KIF3C: variants seen among roughly 807,000 people sequenced by gnomAD.
KIF3C encodes kinesin family member 3C.
KIF3C carries 12 observed loss-of-function variants against 67.7 expected under a neutral mutation model. The observed-to-expected ratio is 0.18, with a 90% CI of 0.11 to 0.29. KIF3C has a LOEUF of 0.29. Among genes scored for constraint, KIF3C ranks in the 10% least tolerant of loss-of-function variants. The pLI, the probability that KIF3C is intolerant of heterozygous loss-of-function variation, is 1.00. For missense variants in KIF3C, 789 were observed against 1,059.6 expected, an observed-to-expected ratio of 0.74 and a Z score of 3.55; for synonymous variants, 393 against 426.2, an observed-to-expected ratio of 0.92 and a Z score of 0.96.
chr2:25,977,827 C>A (rs532163304), intron 1 of KIF3C, among the ~76,000 whole-genome samples: 117 of 152,278 alleles, frequency 7.7e-4, no homozygotes, highest in Non-Finnish European at 1.4e-3. Flanking sequence ...CGACACTGAA[C>A]CAGGCGGTGC....
intron 1 of KIF3C, among the ~76,000 whole-genome samples, chr2:25,961,731 T>C (rs1052624752): frequency 6.6e-6 from 1 of 152,156 alleles, no homozygotes; most frequent in Non-Finnish European, 1.5e-5. Flanking sequence ...GAATTGGGAG[T>C]ACTGTGTGTA....
In KIF3C at chr2:25,926,925, G is replaced by A. The variant is rs1259871058; in HGVS notation, c.*2053C>T. 2 of 152,154 alleles carry A rather than the reference G, an allele frequency of 1.3e-5. No homozygotes were observed. Among genetic ancestry groups the A allele is most frequent in the Non-Finnish European group, 1.5e-5 (1 of 68,016 alleles). The allele number at this position is 152,154 out of a possible 1,614,324, so 9.4% of individuals were successfully genotyped here. A position where few individuals can be genotyped will look rare whatever the true frequency, so the allele number is the denominator to read the frequency against. On this transcript the variant is annotated 3_prime_UTR_variant, in exon 8 of 8. Coordinates refer to ENST00000264712, the MANE Select transcript of KIF3C (RefSeq NM_002254.8). Reference sequence around the variant, plus strand: ...ATATTTGATACACCAAAAGGAAAAGGAGAGAAAGAGAGACAGAGAGACTGA... The same window carrying A: ...ATATTTGATACACCAAAAGGAAAAGAAGAGAAAGAGAGACAGAGAGACTGA...
chr2:25,975,469 C>T (rs1298255881), intron 1 of KIF3C, among the ~76,000 whole-genome samples: 2 of 152,092 alleles, frequency 1.3e-5, no homozygotes, highest in Non-Finnish European at 2.9e-5. Flanking sequence ...CTATAATTTG[C>T]CCAGCCTACT....
chr2:25,969,044 G>A (rs543638888), intron 1 of KIF3C, among the ~76,000 whole-genome samples: 6 of 152,046 alleles, frequency 3.9e-5, no homozygotes, highest in Non-Finnish European at 5.9e-5. Flanking sequence ...GGCTGGTCTC[G>A]AACTCCTGAC....
At chr2:25,936,586 G>A (rs190422921) in intron 5 of KIF3C, among the ~76,000 whole-genome samples, 83 of 152,236 alleles carry the variant, frequency 5.5e-4, no homozygotes, top group Non-Finnish European at 1.1e-3. Context: ...AAAGAATGCT[G>A]CTGTGAACAT....
chr2:25,948,798 C>A (rs933268901), intron 5 of KIF3C, among the ~76,000 whole-genome samples: 2 of 151,426 alleles, frequency 1.3e-5, no homozygotes, highest in Non-Finnish European at 2.9e-5. Flanking sequence ...AAAGCTCATT[C>A]GAACTTCAGG....
rs148571793 is a variant in KIF3C, at chr2:25,981,493, C to T, written c.425G>A (p.Arg142Gln). ...SRSQNQQYLV[R>Q]ASYLEIYQEE... ...CTGGTAGATCTCCAAATAGGAGGCC[C>T]GGACCAGGTACTGTTGGTTCTGGGA... The change falls in exon 1 of 8, where the codon CGG becomes CAG. Residue 142 changes from arginine (R) to glutamine (Q), a missense_variant. This residue lies in a region of KIF3C where 141 missense variants were observed against 251.8 expected (regional missense o/e 0.56). Coordinates refer to ENST00000264712, the MANE Select transcript of KIF3C (RefSeq NM_002254.8). The surrounding 1 kb of genome is among the most constrained non-coding windows in gnomAD (Gnocchi z 8.2). The T allele has an allele frequency of 3.9e-5, 63 of 1,613,560 alleles. No individual in the cohort carries two copies. The highest frequency in any genetic ancestry group is 3.6e-4 in the African/African-American group (27 of 74,718).
In KIF3C at chr2:25,981,701, G is replaced by T. The variant is rs200780139; in HGVS notation, c.217C>A (p.Leu73Met). The change falls in exon 1 of 8, where the codon CTG becomes ATG. Residue 73 changes from leucine (L) to methionine (M), a missense_variant. By Grantham distance (15) the Leu-to-Met change is conservative (BLOSUM62 2). Transcript: ENST00000264712. The surrounding 1 kb of genome is among the most constrained non-coding windows in gnomAD (Gnocchi z 8.2). The stretch of plus-strand genomic sequence containing the variant: ...AGGGGCCTCACGGTTTCGTCATACA[G>T]GTCGGCCTGCTTGGAGCTGGCATCA... ...VYDASSKQAD[L>M]YDETVRPLID... The T allele has an allele frequency of 6.2e-7, 1 of 1,613,908 alleles. No individual in the cohort carries two copies.
intron 1 of KIF3C, among the ~76,000 whole-genome samples, chr2:25,975,963 A>G (rs982527140): frequency 6.6e-6 from 1 of 152,120 alleles, no homozygotes; most frequent in Non-Finnish European, 1.5e-5. Context: ...GCCTCAAAAA[A>G]AAAACAAGAA....
chr2:25,944,363 T>C (rs982721157), intron 5 of KIF3C, among the ~76,000 whole-genome samples: 2 of 151,628 alleles, frequency 1.3e-5, no homozygotes, highest in Non-Finnish European at 2.9e-5. Context: ...TTTTTTTTTT[T>C]TGAGACAGGG....
chr2:25,963,658 G>T (rs1049389624), intron 1 of KIF3C, among the ~76,000 whole-genome samples: 1 of 141,220 alleles, frequency 7.1e-6, no homozygotes, highest in African/African-American at 2.6e-5. Flanking sequence ...AGCATCATAG[G>T]CATGAAGTAT....
At chr2:25,954,141 G>C (rs1663734324) in intron 4 of KIF3C, 126 bp downstream of exon 4, 1 of 738,850 alleles carries the variant, frequency 1.4e-6, no homozygotes, top group Non-Finnish European at 2.4e-6. Context: ...TCAGCCCTCA[G>C]ACGCATTTTA....
At chr2:25,964,114 C>G (rs961749593) in intron 1 of KIF3C, among the ~76,000 whole-genome samples, 5 of 152,176 alleles carry the variant, frequency 3.3e-5, no homozygotes, top group Middle Eastern at 3.4e-3. Flanking sequence ...TTGAGACTAG[C>G]CTGGCCAACA....
intron 5 of KIF3C, among the ~76,000 whole-genome samples, chr2:25,932,833 AAAAACAAAACAAAACAAAAC>A (rs59590442): frequency 0.011 from 1,596 of 146,230 alleles, 21 homozygotes; most frequent in African/African-American, 0.036. Flanking sequence ...ACTCCATCTC[AAAAACAAAACAAAACAAAAC>A]AAAACAAAAC....
In KIF3C at chr2:25,980,668, G is replaced by T; in HGVS notation, c.1250C>A (p.Ala417Asp). The change falls in exon 1 of 8, where the codon GCC (alanine) becomes GAC (aspartate). Residue 417 changes from alanine to aspartate, a missense_variant. Physicochemically the swap from Ala to Asp is moderately radical, Grantham distance 126. This residue lies in a region of KIF3C where 648 missense variants were observed against 807.8 expected (regional missense o/e 0.80). Coordinates refer to ENST00000264712, the MANE Select transcript of KIF3C (RefSeq NM_002254.8). This position sits in a 1 kb window ranked among gnomAD's most constrained non-coding sequence, Gnocchi z 7.6. The stretch of plus-strand genomic sequence containing the variant: ...TGGGCCCTCAGGGTACCCAGGCGGG[G>T]CGGACACGGCCTTCTTCCTGCGGCT... ...KSSRRKKAVS[A>D]PPGYPEGPVI... 6.2e-7 allele frequency: 1 copy of T among 1,614,052 alleles called. No homozygotes were observed. Among genetic ancestry groups the T allele is most frequent in the South Asian group, 1.1e-5 (1 of 91,078 alleles).
intron 1 of KIF3C, among the ~76,000 whole-genome samples, chr2:25,973,234 T>C (rs1333158256): frequency 1.3e-5 from 2 of 152,054 alleles, no homozygotes; most frequent in African/African-American, 4.8e-5. Context: ...ATGACTTTAC[T>C]GGGGCATGAT....
At chr2:25,932,066 A>G (rs181480496) in intron 5 of KIF3C, among the ~76,000 whole-genome samples, 200 of 148,140 alleles carry the variant, frequency 1.4e-3, no homozygotes, top group African/African-American at 4.9e-3. Flanking sequence ...CTGTGGCACA[A>G]CCTCGGCTCA....
Position 25,955,657 on chromosome 2 carries a change from G to A in KIF3C, c.1654C>T (p.Arg552Cys), listed in dbSNP as rs182343732. 151 of 1,614,056 alleles carry A rather than the reference G, an allele frequency of 9.4e-5. 1 individual carries two copies. The East Asian group carries it at 2.1e-3, about 23-fold the overall frequency. Reference protein sequence around the residue: ...KRQEIAEQKRREREMQQEMML... With the variant: ...KRQEIAEQKRCEREMQQEMML... ...ATCTCCTGCTGCATCTCCCGCTCAC[G>A]ACGTTTCTAGGCCAAGGACGGGCAG... Residue 552 changes from arginine to cysteine, a missense_variant, in exon 3 of 8, where the codon CGT becomes TGT. Coordinates refer to ENST00000264712, the MANE Select transcript of KIF3C (RefSeq NM_002254.8). This position sits in a 1 kb window ranked among gnomAD's most constrained non-coding sequence, Gnocchi z 5.0.
intron 1 of KIF3C, among the ~76,000 whole-genome samples, chr2:25,971,271 CAAAAAAAAAA>C (rs35420433): frequency 1.7e-5 from 1 of 59,168 alleles, no homozygotes; most frequent in Non-Finnish European, 3.7e-5. Context: ...GACTCTGTCT[CAAAAAAAAAA>C]AAAAAAAAAA....
Sources: gnomAD v4.1 joint callset for allele counts (sites outside exome capture counted in the v4.1 genomes callset) on GRCh38, gnomAD v4.1.1 for gene constraint, gnomAD v4.1.1 regional missense constraint, Gnocchi (gnomAD v3.1) non-coding constraint, MANE v1.5 for transcripts, NCBI Gene and HGNC (gene_info 2026-07-23, HGNC 2026-07-21) for gene names.